Variants in REEP3 observed in about 807,000 individuals in gnomAD.
The protein encoded by REEP3 is receptor expression-enhancing protein 3.
REEP3 carries 20 observed loss-of-function variants against 41.3 expected under a neutral mutation model. The ratio of observed to expected loss-of-function variants is 0.48; its 90% confidence interval spans 0.34 to 0.70. REEP3 has a LOEUF of 0.70. Among genes scored for constraint, REEP3 ranks in the 30% least tolerant of loss-of-function variants. The pLI, the probability that REEP3 is intolerant of heterozygous loss-of-function variation, is 0.01. For synonymous variants in REEP3, 104 were observed against 101.8 expected (o/e 1.02, Z -0.13); for missense variants, 271 against 308.8 (o/e 0.88, Z 0.92).
chr10:63,567,969 AT>A (rs1194986272), intron 2 of REEP3, among the ~76,000 whole-genome samples: 1 of 152,192 alleles, frequency 6.6e-6, no homozygotes, highest in Non-Finnish European at 1.5e-5. Context: ...AATAAGTTAC[AT>A]AGTTGGGCTC....
At chr10:63,529,427 T>C (rs1955398083) in intron 1 of REEP3, among the ~76,000 whole-genome samples, 2 of 151,954 alleles carry the variant, frequency 1.3e-5, no homozygotes, top group Non-Finnish European at 2.9e-5. Context: ...ATAATATGAC[T>C]GGAAGTGAAT....
At chr10:63,599,759 CT>C in intron 5 of REEP3, 1 of 849,890 alleles carries the variant, frequency 1.2e-6, no homozygotes, top group Non-Finnish European at 1.4e-6. Flanking sequence ...GTTCTTAAAA[CT>C]TGGTACTTAG....
rs1564487686 is a variant in REEP3, at chr10:63,594,845, C to T, written c.173C>T (p.Thr58Ile). 6.2e-7 allele frequency: 1 copy of T among 1,608,930 alleles called. No homozygotes were observed. The highest frequency in any genetic ancestry group is 1.7e-5 in the Admixed American group (1 of 60,012). The stretch of plus-strand genomic sequence containing the variant: ...GTGATTGAAACAGTAGCCGATCAAA[C>T]AGTTGCTTGGTAAGTTTTACTATTG... ...YTVIETVADQ[T>I]VAWFPLYYEL... is the part of the protein sequence containing the mutation. Residue 58 changes from threonine to isoleucine, a missense_variant, in exon 3 of 8, where the codon ACA becomes ATA. Thr to Ile is a moderately conservative substitution (Grantham distance 89). Transcript: ENST00000373758.
intron 2 of REEP3, among the ~76,000 whole-genome samples, chr10:63,583,341 T>A (rs991726368): frequency 4.6e-5 from 7 of 152,164 alleles, no homozygotes; most frequent in African/African-American, 1.7e-4. Context: ...GACCATGTGG[T>A]CCTACTATTA....
chr10:63,541,860 C>T (rs887372437), intron 1 of REEP3, among the ~76,000 whole-genome samples: 2 of 152,156 alleles, frequency 1.3e-5, no homozygotes, highest in African/African-American at 2.4e-5. Context: ...ATTCCTTCTT[C>T]CAGCCAACTT....
At chr10:63,561,562 A>G (rs770524886) in intron 1 of REEP3, among the ~76,000 whole-genome samples, 9 of 152,236 alleles carry the variant, frequency 5.9e-5, no homozygotes, top group Non-Finnish European at 1.3e-4. Flanking sequence ...CAGAGGGGCT[A>G]GCCAGCAAGG....
intron 1 of REEP3, among the ~76,000 whole-genome samples, chr10:63,527,944 CTTTT>C (rs1564990227): frequency 2.5e-5 from 2 of 78,886 alleles, no homozygotes; most frequent in Non-Finnish European, 4.7e-5. Context: ...AGAAACCTTG[CTTTT>C]TTTTGTTTTT....
chr10:63,531,588 T>C (rs985984212), intron 1 of REEP3, among the ~76,000 whole-genome samples: 1 of 152,196 alleles, frequency 6.6e-6, no homozygotes, highest in African/African-American at 2.4e-5. Flanking sequence ...AAATTAAATT[T>C]CTCAATACAC....
intron 2 of REEP3, among the ~76,000 whole-genome samples, chr10:63,579,041 T>TC (rs1554806345): frequency 1.5e-5 from 2 of 136,938 alleles, no homozygotes; most frequent in Non-Finnish European, 3.1e-5. Context: ...TGTTTTTTTT[T>TC]GGGGGGGGGG....
chr10:63,524,144 A>G (rs1301008108), intron 1 of REEP3, among the ~76,000 whole-genome samples: 2 of 152,174 alleles, frequency 1.3e-5, no homozygotes, highest in African/African-American at 4.8e-5. Flanking sequence ...AGAGAATATA[A>G]ACATCATTCT....
At chr10:63,533,350 T>G (rs1280891144) in intron 1 of REEP3, among the ~76,000 whole-genome samples, 1 of 152,192 alleles carries the variant, frequency 6.6e-6, no homozygotes, top group East Asian at 1.9e-4. Context: ...TATTTGGTGA[T>G]ATTTGCCTAA....
intron 2 of REEP3, among the ~76,000 whole-genome samples, chr10:63,575,384 A>T (rs184455651): frequency 6.6e-6 from 1 of 152,224 alleles, no homozygotes; most frequent in East Asian, 1.9e-4. Context: ...CGTTATAGTC[A>T]ATTTTGCTAA....
intron 2 of REEP3, among the ~76,000 whole-genome samples, chr10:63,586,164 C>T (rs1209439931): frequency 6.6e-6 from 1 of 152,136 alleles, no homozygotes; most frequent in Non-Finnish European, 1.5e-5. Flanking sequence ...TTCACTCCAG[C>T]TTTAAATATC....
At chr10:63,575,921 A>G (rs1272266582) in intron 2 of REEP3, among the ~76,000 whole-genome samples, 1 of 151,910 alleles carries the variant, frequency 6.6e-6, no homozygotes, top group Non-Finnish European at 1.5e-5. Flanking sequence ...TTAGTAGAGA[A>G]AGGGTTTCTC....
chr10:63,536,466 T>G (rs2133345998), intron 1 of REEP3, among the ~76,000 whole-genome samples: 1 of 152,288 alleles, frequency 6.6e-6, no homozygotes, highest in South Asian at 2.1e-4. Context: ...GGATATAGAA[T>G]TTTAAAAGCT....
Position 63,619,944 on chromosome 10 carries a change from T to TC in REEP3, c.711+144_711+145insC, listed in dbSNP as rs1956340939. On this transcript the variant is annotated intron_variant, in intron 7 of 7. Transcript: ENST00000373758. ...TTTTTTTTTTTTTTTTTTTTTTTTT[T>TC]AGTTTTTGGGGATAGAGCTTTTTTG... 5 of 755,474 alleles carry TC rather than the reference T, an allele frequency of 6.6e-6. No individual in the cohort carries two copies. In the African/African-American group the frequency reaches 9.2e-5, roughly 14 times the overall value. 46.8% of individuals were successfully genotyped at this position (755,474 alleles called of 1,614,324 possible).
chr10:63,591,666 T>G (rs551819448), intron 2 of REEP3, among the ~76,000 whole-genome samples: 4 of 152,360 alleles, frequency 2.6e-5, no homozygotes, highest in African/African-American at 9.6e-5. Flanking sequence ...AAAAAACATA[T>G]ATTTTAAAGC....
chr10:63,533,272 G>A (rs1955441254), intron 1 of REEP3, among the ~76,000 whole-genome samples: 1 of 152,196 alleles, frequency 6.6e-6, no homozygotes, highest in South Asian at 2.1e-4. Flanking sequence ...GAGGCCCACA[G>A]GAACAACAAG....
chr10:63,556,219 G>A (rs908049019), intron 1 of REEP3, among the ~76,000 whole-genome samples: 19 of 152,088 alleles, frequency 1.2e-4, no homozygotes, highest in Admixed American at 7.2e-4. Context: ...AGGTTTAAGC[G>A]ATTCTCCTGC....
Sources: allele counts gnomAD v4.1 joint callset (sites outside exome capture counted in the v4.1 genomes callset), GRCh38; gene constraint gnomAD v4.1.1; transcripts MANE v1.5; gene names NCBI Gene and HGNC (gene_info 2026-07-23, HGNC 2026-07-21).